CDH8: variants seen among roughly 807,000 people sequenced by gnomAD.
CDH8 encodes the protein cadherin 8.
Under a neutral mutation model 68.1 loss-of-function variants are expected in CDH8, and 17 were observed. That is an observed-to-expected ratio of 0.25 (90% CI 0.17 to 0.37). The LOEUF is 0.37. Among genes scored for constraint, CDH8 ranks in the 10% least tolerant of loss-of-function variants. The pLI is 1.00. For missense variants in CDH8, 763 were observed against 999.3 expected, an observed-to-expected ratio of 0.76 and a Z score of 3.19; for synonymous variants, 372 against 365.1, an observed-to-expected ratio of 1.02 and a Z score of -0.21.
chr16:61,761,052 C>A (rs1403756672), intron 8 of CDH8, among the ~76,000 whole-genome samples: 1 of 152,120 alleles, frequency 6.6e-6, no homozygotes, highest in Non-Finnish European at 1.5e-5. Context: ...CATATCATCA[C>A]ATGACATTGA....
rs1188086447 is a variant in CDH8, at chr16:61,653,061, T to C, written c.*547A>G. On this transcript the variant is annotated 3_prime_UTR_variant, in exon 12 of 12. Coordinates refer to ENST00000577390, the MANE Select transcript of CDH8 (RefSeq NM_001796.5). ...GAGTGGGGCCAACAATTATGTACAATGTGTGGTCACCGTACTGTATAATCT... is the reference window on the plus strand; with the variant it reads ...GAGTGGGGCCAACAATTATGTACAACGTGTGGTCACCGTACTGTATAATCT... 2.2e-6 allele frequency: 3 copies of C among 1,372,994 alleles called. No homozygotes were observed. The highest frequency in any genetic ancestry group is 5.4e-5 in the East Asian group (2 of 37,304). 85.1% of individuals were successfully genotyped at this position (1,372,994 alleles called of 1,614,324 possible).
At chr16:61,738,877 A>G (rs1359241500) in intron 8 of CDH8, among the ~76,000 whole-genome samples, 1 of 151,968 alleles carries the variant, frequency 6.6e-6, no homozygotes. Flanking sequence ...CTGTGTCTTC[A>G]TCCTATTATG....
At chr16:61,779,474 G>A (rs973656336) in intron 8 of CDH8, among the ~76,000 whole-genome samples, 1 of 120,654 alleles carries the variant, frequency 8.3e-6, no homozygotes, top group Admixed American at 8.3e-5. Flanking sequence ...TGCGCGCATG[G>A]TGAGGGAAAC....
intron 8 of CDH8, among the ~76,000 whole-genome samples, chr16:61,751,873 G>T (rs1960175954): frequency 6.6e-6 from 1 of 152,042 alleles, no homozygotes; most frequent in African/African-American, 2.4e-5. Flanking sequence ...TTAGGTATTA[G>T]CCAATATTCT....
At chr16:61,863,089 TCAC>T (rs1434230640) in intron 3 of CDH8, among the ~76,000 whole-genome samples, 5 of 152,206 alleles carry the variant, frequency 3.3e-5, no homozygotes, top group African/African-American at 4.8e-5. Flanking sequence ...ATGATCCCTG[TCAC>T]CACAATTCAG....
chr16:61,704,569 C>T (rs1457928924), intron 10 of CDH8, among the ~76,000 whole-genome samples: 1 of 152,144 alleles, frequency 6.6e-6, no homozygotes, highest in Admixed American at 6.5e-5. Flanking sequence ...ACATAAAGTA[C>T]CACAGAAATT....
At chr16:61,720,145 C>G (rs1357803223) in intron 9 of CDH8, among the ~76,000 whole-genome samples, 1 of 150,992 alleles carries the variant, frequency 6.6e-6, no homozygotes, top group Middle Eastern at 3.4e-3. Context: ...TTCTCAGCCT[C>G]TGTGTGAAGG....
chr16:61,960,712 C>T (rs1181339481), intron 2 of CDH8, among the ~76,000 whole-genome samples: 3 of 152,200 alleles, frequency 2.0e-5, no homozygotes, highest in East Asian at 1.9e-4. Flanking sequence ...TCCTCCCTCT[C>T]GCCCTTTCTT....
chr16:61,847,643 C>T (rs1962838193), intron 4 of CDH8, among the ~76,000 whole-genome samples: 1 of 150,442 alleles, frequency 6.6e-6, no homozygotes, highest in African/African-American at 2.4e-5. Context: ...TAAGCAAGAA[C>T]ATTAGATAAT....
At chr16:61,674,349 G>A (rs1473978421) in intron 10 of CDH8, among the ~76,000 whole-genome samples, 1 of 151,776 alleles carries the variant, frequency 6.6e-6, no homozygotes, top group Non-Finnish European at 1.5e-5. Flanking sequence ...AGCTACTCAG[G>A]AGGCTGAGGC....
chr16:61,950,311 C>T (rs778828397), intron 2 of CDH8, among the ~76,000 whole-genome samples: 1 of 152,064 alleles, frequency 6.6e-6, no homozygotes, highest in Non-Finnish European at 1.5e-5. Context: ...ATATTTTTAG[C>T]TGAGAAGCAG....
rs1206499823 is a variant in CDH8 at position 62,021,592 on chromosome 16, A to T, written c.-189T>A. On this transcript the variant is annotated 5_prime_UTR_variant, in exon 2 of 12. The change abolishes an upstream ATG in the 5' untranslated region. Coordinates refer to ENST00000577390, the MANE Select transcript of CDH8 (RefSeq NM_001796.5). Reference sequence around the variant, plus strand: ...CCACAATCCATTGGCTTTTCTTTTCATTGAAATTTCCTGCAAAAACAAGGA... The same window carrying T: ...CCACAATCCATTGGCTTTTCTTTTCTTTGAAATTTCCTGCAAAAACAAGGA... 1 of 1,336,676 alleles carries T rather than the reference A, an allele frequency of 7.5e-7. No individual in the cohort carries two copies. 82.8% of individuals were successfully genotyped at this position (1,336,676 alleles called of 1,614,324 possible). A position where few individuals can be genotyped will look rare whatever the true frequency, so the allele number is the denominator to read the frequency against.
At chr16:62,018,346 G>A (rs544894345) in intron 2 of CDH8, among the ~76,000 whole-genome samples, 368 of 152,252 alleles carry the variant, frequency 2.4e-3, no homozygotes, top group Middle Eastern at 6.8e-3. Context: ...GGTCAGAGGC[G>A]CCGCCATGGT....
intron 8 of CDH8, among the ~76,000 whole-genome samples, chr16:61,732,590 C>T (rs1959566834): frequency 6.6e-6 from 1 of 151,632 alleles, no homozygotes; most frequent in African/African-American, 2.4e-5. Flanking sequence ...AAAATTTGTT[C>T]CTAGTAGAAT....
intron 2 of CDH8, among the ~76,000 whole-genome samples, chr16:61,930,755 T>C (rs1410547845): frequency 1.3e-5 from 2 of 152,220 alleles, no homozygotes; most frequent in African/African-American, 4.8e-5. Context: ...GTTTGTACTA[T>C]ATCATTTATT....
At chr16:61,768,346 C>A (rs1199477164) in intron 8 of CDH8, among the ~76,000 whole-genome samples, 1 of 107,118 alleles carries the variant, frequency 9.3e-6, no homozygotes, top group Non-Finnish European at 1.9e-5. Context: ...CTCTCTCTCT[C>A]TCTCTCTCTC....
chr16:62,005,618 C>T (rs769119026), intron 2 of CDH8, among the ~76,000 whole-genome samples: 3 of 151,812 alleles, frequency 2.0e-5, no homozygotes, highest in Non-Finnish European at 4.4e-5. Flanking sequence ...TGCCTGTAAT[C>T]CCAGCTACTC....
At chr16:61,828,261 G>A (rs1436938231) in intron 4 of CDH8, among the ~76,000 whole-genome samples, 1 of 151,874 alleles carries the variant, frequency 6.6e-6, no homozygotes, top group Non-Finnish European at 1.5e-5. Flanking sequence ...GAAAGGGGAG[G>A]AATGAATAAT....
intron 4 of CDH8, among the ~76,000 whole-genome samples, chr16:61,832,021 G>A (rs964568923): frequency 4.0e-5 from 6 of 151,644 alleles, no homozygotes; most frequent in African/African-American, 1.5e-4. Context: ...AAGTGGGGGG[G>A]TCATGTACTG....
Sources: allele counts gnomAD v4.1 joint callset (sites outside exome capture counted in the v4.1 genomes callset), GRCh38; gene constraint gnomAD v4.1.1; transcripts MANE v1.5; gene names NCBI Gene and HGNC (gene_info 2026-07-23, HGNC 2026-07-21).